Variants in ADAMTS16 observed in about 807,000 individuals in gnomAD.
The protein encoded by ADAMTS16 is ADAM metallopeptidase with thrombospondin type 1 motif 16.
ADAMTS16 carries 94 observed loss-of-function variants against 145.8 expected under a neutral mutation model. The observed-to-expected ratio is 0.64, with a 90% confidence interval of 0.55 to 0.77. ADAMTS16 has a LOEUF of 0.77. ADAMTS16 is among the 30% of genes least tolerant of loss of function. ADAMTS16 has a pLI of 0.00. For missense variants in ADAMTS16, 1,585 were observed against 1,591.5 expected (o/e 1.00, Z 0.07); for synonymous variants, 659 against 604.3 (o/e 1.09, Z -1.33).
At position 5,234,869 on chromosome 5, in the gene ADAMTS16, C is replaced by CAGAA. The variant is rs539592178; in HGVS notation, c.1851-144_1851-143insGAAA. The CAGAA allele has an allele frequency of 5.0e-3, 279 of 56,346 alleles. 11 individuals carry two copies. The highest frequency in any genetic ancestry group is 8.7e-3 in the East Asian group (15 of 1,728). 3.5% of individuals were successfully genotyped at this position (56,346 alleles called of 1,614,324 possible). On this transcript the variant is annotated intron_variant, in intron 12 of 22. Coordinates refer to ENST00000274181, the MANE Select transcript of ADAMTS16 (RefSeq NM_139056.4). ...TGGGTGACAGAGCGAGACTCCATCT[C>CAGAA]AAAAAAAAAAAAAAAAAAAGAATCC... is the stretch of plus-strand genomic sequence containing the variant.
chr5:5,306,542 C>G lies in ADAMTS16; in HGVS notation c.3225C>G (p.Phe1075Leu), dbSNP rs1740167052. 1.1e-5 allele frequency: 18 copies of G among 1,614,126 alleles called. No individual in the cohort carries two copies. Among genetic ancestry groups the G allele is most frequent in the Non-Finnish European group, 1.5e-5 (18 of 1,179,980 alleles). ...GTGAAAGAGGAACACAGAAAAGATT[C>G]TTAAAATGTGCTGAAAAGTATGTTT... ...VTCERGTQKRFLKCAEKYVSG... is the reference protein window; with the variant it reads ...VTCERGTQKRLLKCAEKYVSG... The change falls in exon 21 of 23, where the codon TTC (phenylalanine) becomes TTG (leucine). Residue 1075 changes from phenylalanine to leucine, a missense_variant. Physicochemically the swap from Phe to Leu is conservative, Grantham distance 22. Coordinates refer to ENST00000274181, the MANE Select transcript of ADAMTS16 (RefSeq NM_139056.4).
intron 2 of ADAMTS16, among the ~76,000 whole-genome samples, chr5:5,144,083 A>C (rs544741263): frequency 6.6e-6 from 1 of 152,060 alleles, no homozygotes; most frequent in South Asian, 2.1e-4. Context: ...TATGTAACAA[A>C]CCTGTACGTT....
At chr5:5,156,644 C>T (rs367929064) in intron 3 of ADAMTS16, among the ~76,000 whole-genome samples, 1 of 152,154 alleles carries the variant, frequency 6.6e-6, no homozygotes, top group East Asian at 1.9e-4. Context: ...ATTAAGCCTC[C>T]TATGTAGCTT....
At chr5:5,205,997 T>C (rs1450739892) in intron 9 of ADAMTS16, among the ~76,000 whole-genome samples, 5 of 152,220 alleles carry the variant, frequency 3.3e-5, no homozygotes, top group Admixed American at 2.0e-4. Context: ...ATGCCTTTGA[T>C]GTTGTATCAA....
At chr5:5,163,329 G>A (rs1259693604) in intron 3 of ADAMTS16, among the ~76,000 whole-genome samples, 1 of 152,208 alleles carries the variant, frequency 6.6e-6, no homozygotes, top group African/African-American at 2.4e-5. Context: ...TGGTTTGGCT[G>A]TGTCCCCACC....
chr5:5,253,273 A>G (rs1737681402), intron 17 of ADAMTS16, among the ~76,000 whole-genome samples: 1 of 152,250 alleles, frequency 6.6e-6, no homozygotes, highest in Non-Finnish European at 1.5e-5. Flanking sequence ...TGAGACATTA[A>G]TCAATATGTG....
chr5:5,220,434 A>T (rs1164002486), intron 10 of ADAMTS16, among the ~76,000 whole-genome samples: 1 of 151,798 alleles, frequency 6.6e-6, no homozygotes, highest in African/African-American at 2.4e-5. Context: ...CTGGGATTAC[A>T]GGTGTGAGCC....
At chr5:5,300,226 A>C (rs1259454405) in intron 18 of ADAMTS16, among the ~76,000 whole-genome samples, 1 of 152,208 alleles carries the variant, frequency 6.6e-6, no homozygotes, top group African/African-American at 2.4e-5. Context: ...TTGAGAGAGC[A>C]AATATAAGAA....
At chr5:5,152,356 A>G (rs1293691625) in intron 3 of ADAMTS16, among the ~76,000 whole-genome samples, 2 of 152,208 alleles carry the variant, frequency 1.3e-5, no homozygotes, top group Non-Finnish European at 2.9e-5. Context: ...TTGAAACTTT[A>G]ACCTACAAGT....
chr5:5,167,008 C>T (rs1374014276), intron 3 of ADAMTS16, among the ~76,000 whole-genome samples: 4 of 152,176 alleles, frequency 2.6e-5, no homozygotes, highest in Non-Finnish European at 5.9e-5. Context: ...TACCTGATGA[C>T]CCTATGTAAA....
At position 5,309,914 on chromosome 5, in the gene ADAMTS16, C is replaced by T. The variant is rs552054044; in HGVS notation, c.3411+3186C>T. The stretch of plus-strand genomic sequence containing the variant: ...AGAAAGCAAACGGAATGTGGCCAGA[C>T]GAGCTCATAAACAGTCGTGCACAGT... On this transcript the variant is annotated intron_variant, in intron 21 of 22. Transcript: ENST00000274181. Among the ~76,000 whole-genome samples, 103 of 151,930 alleles carry T rather than the reference C, an allele frequency of 6.8e-4. 1 individual carries two copies. Among genetic ancestry groups the T allele is most frequent in the Non-Finnish European group, 8.1e-4 (55 of 67,996 alleles).
At chr5:5,188,300 T>C (rs1481705197) in intron 6 of ADAMTS16, among the ~76,000 whole-genome samples, 2 of 152,190 alleles carry the variant, frequency 1.3e-5, no homozygotes, top group East Asian at 1.9e-4. Flanking sequence ...TTTATTTTTA[T>C]TGAGATTTCT....
intron 12 of ADAMTS16, 66 bp from the exon 13 acceptor site, chr5:5,234,948 C>G: frequency 7.3e-7 from 1 of 1,368,612 alleles, no homozygotes; most frequent in South Asian, 1.9e-5. Flanking sequence ...CTCCAATAAG[C>G]CTAATTTTAA....
chr5:5,234,790 A>G (rs909453733), intron 12 of ADAMTS16, among the ~76,000 whole-genome samples: 14 of 150,120 alleles, frequency 9.3e-5, no homozygotes, highest in Non-Finnish European at 1.9e-4. Context: ...GAATCACTTG[A>G]ACCCAGGAGA....
chr5:5,181,586 G>A lies in ADAMTS16; in HGVS notation c.502-458G>A, dbSNP rs890068059. On this transcript the variant is annotated intron_variant, in intron 3 of 22. Coordinates refer to ENST00000274181, the MANE Select transcript of ADAMTS16 (RefSeq NM_139056.4). ...CCCTTTTCTAGAAAGTGTTACATTT[G>A]CTTTGTTTTCAAATTCGTTTTAACA... is the stretch of plus-strand genomic sequence containing the variant. 2.6e-5 allele frequency among the ~76,000 whole-genome samples: 4 copies of A among 152,088 alleles called. No homozygotes were observed. The East Asian group carries it at 7.7e-4, about 29-fold the overall frequency.
intron 16 of ADAMTS16, among the ~76,000 whole-genome samples, chr5:5,241,073 C>A (rs752013597): frequency 6.6e-6 from 1 of 152,046 alleles, no homozygotes; most frequent in African/African-American, 2.4e-5. Flanking sequence ...GGGCTTATAC[C>A]TGTCCCACAA....
chr5:5,222,718 A>C, intron 10 of ADAMTS16, 71 bp from the exon 11 acceptor site: 1 of 1,261,962 alleles, frequency 7.9e-7, no homozygotes, highest in Non-Finnish European at 1.2e-6. Context: ...TAAATCTCTC[A>C]GTGATATTTT....
Position 5,140,693 on chromosome 5 carries a change from G to C in ADAMTS16, c.102G>C (p.Ala34=), listed in dbSNP as rs773028732. 210 of 1,563,518 alleles carry C rather than the reference G, an allele frequency of 1.3e-4. No individual in the cohort carries two copies. The highest frequency in any genetic ancestry group is 4.5e-5 in the Non-Finnish European group (52 of 1,157,084). Residue 34 remains alanine (A), a synonymous_variant, in exon 2 of 23, where the codon GCG becomes GCC. Coordinates refer to ENST00000274181, the MANE Select transcript of ADAMTS16 (RefSeq NM_139056.4). ...QAPACAMGPA[A]AAPGSPSVPR... is the part of the protein sequence containing the mutation. The stretch of plus-strand genomic sequence containing the variant: ...CTGCGTGCGCCATGGGACCCGCAGC[G>C]GCAGCGCCTGGGAGCCCGAGCGTCC...
chr5:5,302,008 GA>G (rs959211016), intron 18 of ADAMTS16, among the ~76,000 whole-genome samples: 2 of 152,148 alleles, frequency 1.3e-5, no homozygotes, highest in Admixed American at 6.5e-5. Context: ...AACATGAATG[GA>G]AATCATCAAG....
Sources: gnomAD v4.1 joint callset for allele counts (sites outside exome capture counted in the v4.1 genomes callset) on GRCh38, gnomAD v4.1.1 for gene constraint, MANE v1.5 for transcripts, NCBI Gene and HGNC (gene_info 2026-07-23, HGNC 2026-07-21) for gene names.